The following TTN variants were observed in gnomAD, a reference collection of about 807,000 sequenced individuals.
TTN encodes the protein titin.
Under a neutral mutation model 3,223.0 loss-of-function variants are expected in TTN, and 1,525 were observed. The ratio of observed to expected loss-of-function variants is 0.47; its 90% confidence interval spans 0.45 to 0.49. The LOEUF is 0.49. TTN is among the 20% of genes least tolerant of loss of function. The pLI is 0.00. For synonymous variants in TTN, 14,094 were observed against 15,161.0 expected (o/e 0.93, Z 5.17); for missense variants, 40,786 against 43,424.0 (o/e 0.94, Z 5.40).
intron 98 of TTN, among the ~76,000 whole-genome samples, chr2:178,710,425 C>T (rs370481204): frequency 2.0e-4 from 31 of 152,146 alleles, no homozygotes; most frequent in African/African-American, 7.2e-4. Context: ...CCAGCCTGTG[C>T]GACAGAATGA....
intron 21 of TTN, among the ~76,000 whole-genome samples, chr2:178,780,757 C>T (rs2092694104): frequency 6.6e-6 from 1 of 152,222 alleles, no homozygotes; most frequent in Non-Finnish European, 1.5e-5. Context: ...GGCAACAACA[C>T]AGCTACTGTC....
At chr2:178,753,235 G>T in intron 46 of TTN, 55 bp from the exon 47 acceptor site, 1 of 1,373,242 alleles carries the variant, frequency 7.3e-7, no homozygotes, top group Non-Finnish European at 1.0e-6. Flanking sequence ...TATATTTTCT[G>T]CATCAATTCA....
At chr2:178,726,533 CA>C (rs3045700) in intron 69 of TTN, 481 of 133,054 alleles carry the variant, frequency 3.6e-3, no homozygotes, top group African/African-American at 5.3e-3. Flanking sequence ...GCCTTTGTGA[CA>C]AAAAAAAAAA....
Position 178,714,573 on chromosome 2 carries a change from G to A in TTN, c.26201C>T (p.Ala8734Val). The part of the protein sequence containing the change: ...DTCVGSIALK[A>V]PPRFVKKLSD... ...GAGCTTCTTCACAAATCTTGGTGGT[G>A]CTGATGAAAAAGGAGGAAAGCCTGG... The change falls in exon 91 of 363, where the codon GCA (alanine) becomes GTA (valine). Residue 8734 changes from alanine to valine, a missense_variant and splice_region_variant. Physicochemically the swap from Ala to Val is moderately conservative, Grantham distance 64. Transcript: ENST00000589042. 3 of 1,587,308 alleles carry A rather than the reference G, an allele frequency of 1.9e-6. No homozygotes were observed. The highest frequency in any genetic ancestry group is 2.6e-6 in the Non-Finnish European group (3 of 1,166,294).
Position 178,664,472 on chromosome 2 carries a change from C to G in TTN, c.36268G>C (p.Val12090Leu), listed in dbSNP as rs749290848. 56 of 1,611,302 alleles carry G rather than the reference C, an allele frequency of 3.5e-5. No homozygotes were observed. Among genetic ancestry groups the G allele is most frequent in the Non-Finnish European group, 4.6e-5 (54 of 1,178,752 alleles). Residue 12090 changes from valine (V) to leucine (L), a missense_variant, in exon 168 of 363, where the codon GTA (valine) becomes CTA (leucine). Val to Leu is a conservative substitution (Grantham distance 32). Transcript: ENST00000589042. The stretch of plus-strand genomic sequence containing the variant: ...GTTAAGAATGTACCTTTGACAGGTA[C>G]AACTTCAGCCCTTTGGGGAGGATGC... Reference protein sequence around the residue: ...KVHPPQRAEVVPVKVHEAPKE... With the variant: ...KVHPPQRAEVLPVKVHEAPKE...
intron 189 of TTN, among the ~76,000 whole-genome samples, chr2:178,655,279 T>C (rs1227797591): frequency 7.2e-6 from 1 of 138,888 alleles, no homozygotes; most frequent in Non-Finnish European, 1.5e-5. Flanking sequence ...TGATGGGACA[T>C]ATCTCAAAAT....
At position 178,731,091 on chromosome 2, in the gene TTN, T is replaced by G. The variant is rs757260797; in HGVS notation, c.17574A>C (p.Lys5858Asn). The change falls in exon 60 of 363, where the codon AAA becomes AAC. Residue 5858 changes from lysine (K) to asparagine (N), a missense_variant. Lys to Asn is a moderately conservative substitution (Grantham distance 94). Transcript: ENST00000589042. ...AGCCCAGGGTCAGTTCTTGGCCATCTTTAAACCATTTGGCTGTAATCTCCT... is the reference window on the plus strand; with the variant it reads ...AGCCCAGGGTCAGTTCTTGGCCATCGTTAAACCATTTGGCTGTAATCTCCT... ...GTKEITAKWFKDGQELTLGSK... is the reference protein window; with the variant it reads ...GTKEITAKWFNDGQELTLGSK... 3 of 1,613,756 alleles carry G rather than the reference T, an allele frequency of 1.9e-6. No homozygotes were observed. The highest frequency in any genetic ancestry group is 2.2e-5 in the East Asian group (1 of 44,862).
In TTN at chr2:178,577,602, C is replaced by T. The variant is rs199506676; in HGVS notation, c.68824G>A (p.Glu22942Lys). 680 of 1,589,884 alleles carry T rather than the reference C, an allele frequency of 4.3e-4. No individual in the cohort carries two copies. The highest frequency in any genetic ancestry group is 1.2e-3 in the Admixed American group (70 of 56,096). The change falls in exon 323 of 363, where the codon GAG becomes AAG. Residue 22942 changes from glutamate (E) to lysine (K), a missense_variant and splice_region_variant. Physicochemically the swap from Glu to Lys is moderately conservative, Grantham distance 56. Transcript: ENST00000589042. ...TACATAAAAAGTAAAATGGACCTAC[C>T]GTATTCATCCTTGCAAATAATGGTT... ...TETIICKDEY[E>K]APTIVLDPTI... is the part of the protein sequence containing the mutation.
chr2:178,574,645 A>G lies in TTN; in HGVS notation c.71487T>C (p.Pro23829=), dbSNP rs1271635071. 7.4e-6 allele frequency: 12 copies of G among 1,612,968 alleles called. No homozygotes were observed. In the Admixed American group the frequency reaches 2.0e-4, roughly 27 times the overall value. The part of the protein sequence containing the change: ...VANYPFKVPG[P]PGTPQVTAVT... ...CTGCAGTTACCTGAGGGGTACCAGG[A>G]GGTCCAGGAACCTTAAATGGATAGT... Residue 23829 remains proline, a synonymous_variant, in exon 326 of 363, where the codon CCT becomes CCC. Coordinates refer to ENST00000589042, the MANE Select transcript of TTN (RefSeq NM_001267550.2).
Position 178,731,349 on chromosome 2 carries a change from T to C in TTN, c.17417A>G (p.Asn5806Ser). 6 of 1,613,744 alleles carry C rather than the reference T, an allele frequency of 3.7e-6. No homozygotes were observed. Among genetic ancestry groups the C allele is most frequent in the Non-Finnish European group, 5.1e-6 (6 of 1,179,764 alleles). ...HDGKYVCQAK[N>S]DAGIQRCSAL... ...AGAACATCTTTGTATTCCTGCATCA[T>C]TTTTGGCCTGACAGACATATTTCCC... The change falls in exon 59 of 363, where the codon AAT becomes AGT. Residue 5806 changes from asparagine to serine, a missense_variant. By Grantham distance (46) the Asn-to-Ser change is conservative. Coordinates refer to ENST00000589042, the MANE Select transcript of TTN (RefSeq NM_001267550.2).
intron 47 of TTN, chr2:178,744,343 C>T (rs2083047579): frequency 1.0e-6 from 1 of 977,786 alleles, no homozygotes; most frequent in Non-Finnish European, 1.2e-6. Flanking sequence ...TAGCTTAACA[C>T]AGAATTGTAT....
chr2:178,781,125 T>C lies in TTN; in HGVS notation c.3519A>G (p.Glu1173=), dbSNP rs878863199. The change falls in exon 21 of 363, where the codon GAA becomes GAG. Residue 1173 remains glutamate (E), a synonymous_variant. Transcript: ENST00000589042. The part of the protein sequence containing the change: ...GETSASASLL[E]EADYELLMKS... ...AGAAACTGGAGTTGCACTTACCTTC[T>C]TCAAGCAAGGAAGCAGATGCAGAAG... 1.2e-6 allele frequency: 2 copies of C among 1,613,858 alleles called. No homozygotes were observed. Among genetic ancestry groups the C allele is most frequent in the African/African-American group, 1.3e-5 (1 of 74,924 alleles).
chr2:178,566,311 A>T lies in TTN; in HGVS notation c.79821T>A (p.Gly26607=). The change falls in exon 326 of 363, where the codon GGT becomes GGA. Residue 26607 remains glycine (G), a synonymous_variant. Coordinates refer to ENST00000589042, the MANE Select transcript of TTN (RefSeq NM_001267550.2). Reference sequence around the variant, plus strand: ...ATGGAATGTGAATTCTGGCAGATCCACCAGCTCTTACAACAATTCCTTTTC... The same window carrying T: ...ATGGAATGTGAATTCTGGCAGATCCTCCAGCTCTTACAACAATTCCTTTTC... The part of the protein sequence containing the change: ...ELRKGIVVRA[G]GSARIHIPFK... 1 of 1,613,656 alleles carries T rather than the reference A, an allele frequency of 6.2e-7. No individual in the cohort carries two copies. The highest frequency in any genetic ancestry group is 1.1e-5 in the South Asian group (1 of 91,084).
intron 150 of TTN, 94 bp from the exon 151 acceptor site, chr2:178,674,503 AC>A: frequency 5.5e-6 from 4 of 722,190 alleles, no homozygotes; most frequent in Non-Finnish European, 8.6e-6. Context: ...AGCCTTCGAA[AC>A]GCTTGTGTAA....
At position 178,534,658 on chromosome 2, in the gene TTN, A is replaced by T; in HGVS notation, c.101957T>A (p.Val33986Asp). ...TGTGCTGACAACATCATGCTGGTGG[A>T]CTTCAGGTGCATAGTATTCTGGGGC... ...FTAPEYYAPE[V>D]HQHDVVSTAT... is the part of the protein sequence containing the mutation. Residue 33986 changes from valine to aspartate, a missense_variant, in exon 358 of 363, where the codon GTC (valine) becomes GAC (aspartate). Physicochemically the swap from Val to Asp is radical, Grantham distance 152. Coordinates refer to ENST00000589042, the MANE Select transcript of TTN (RefSeq NM_001267550.2). 1.9e-6 allele frequency: 3 copies of T among 1,613,626 alleles called. No homozygotes were observed. Among genetic ancestry groups the T allele is most frequent in the Non-Finnish European group, 2.5e-6 (3 of 1,179,660 alleles).
chr2:178,697,904 T>C lies in TTN; in HGVS notation c.30755-736A>G, dbSNP rs116372696. ...ATTAGCAGCAACCCTTGATCTTACA[T>C]TGATGTGACTTTATCAAGACCAGCT... On this transcript the variant is annotated intron_variant, in intron 112 of 362. Coordinates refer to ENST00000589042, the MANE Select transcript of TTN (RefSeq NM_001267550.2). Among the ~76,000 whole-genome samples the C allele has an allele frequency of 6.9e-3, 1,052 of 152,276 alleles. 13 individuals are homozygous for C. Among genetic ancestry groups the C allele is most frequent in the African/African-American group, 0.024 (1,005 of 41,548 alleles).
intron 346 of TTN, 36 bp from the exon 347 acceptor site, chr2:178,543,698 T>A: frequency 6.5e-7 from 1 of 1,536,554 alleles, no homozygotes; most frequent in South Asian, 1.2e-5. Flanking sequence ...ATTTCCTATT[T>A]GCCTGATAGC....
At position 178,574,960 on chromosome 2, in the gene TTN, A is replaced by G; in HGVS notation, c.71172T>C (p.His23724=). Residue 23724 remains histidine (H), a synonymous_variant, in exon 326 of 363, where the codon CAT becomes CAC. Coordinates refer to ENST00000589042, the MANE Select transcript of TTN (RefSeq NM_001267550.2). The part of the protein sequence containing the change: ...EVGDVITIQV[H]DIPGPPTGPI... ...GTCCAGTAGGTGGCCCTGGGATATC[A>G]TGGACTTGAATGGTGATGACATCAC... is the stretch of plus-strand genomic sequence containing the variant. 6.2e-7 allele frequency: 1 copy of G among 1,613,190 alleles called. No homozygotes were observed.
chr2:178,561,644 A>G lies in TTN; in HGVS notation c.84488T>C (p.Val28163Ala). The G allele has an allele frequency of 1.2e-6, 2 of 1,610,188 alleles. No individual in the cohort carries two copies. The highest frequency in any genetic ancestry group is 1.7e-6 in the Non-Finnish European group (2 of 1,177,896). The stretch of plus-strand genomic sequence containing the variant: ...CATGGTAGATTTTGTGGCATGCACA[A>G]CTTTAGGAGTACCAGGAGGACCTGG... ...SPPGPPGTPK[V>A]VHATKSTMLV... The change falls in exon 326 of 363, where the codon GTT (valine) becomes GCT (alanine). Residue 28163 changes from valine (V) to alanine (A), a missense_variant. Transcript: ENST00000589042.
Sources: allele counts gnomAD v4.1 joint callset (sites outside exome capture counted in the v4.1 genomes callset), GRCh38; gene constraint gnomAD v4.1.1; transcripts MANE v1.5; gene names NCBI Gene and HGNC (gene_info 2026-07-23, HGNC 2026-07-21).